C13orf42: variants seen among roughly 807,000 people sequenced by gnomAD.
C13orf42 encodes the protein chromosome 13 open reading frame 42, also known as uncharacterized protein C13orf42.
upstream of C13orf42, chr13:51,113,152 G>A (rs548323460): frequency 3.9e-5 from 6 of 152,202 alleles, no homozygotes; most frequent in South Asian, 4.1e-4. Flanking sequence ...ATCACAAAGG[G>A]AATAAAACTG....
At chr13:51,111,861 G>A (rs1292266649), upstream of C13orf42, among the ~76,000 whole-genome samples, 1 of 132,048 alleles carries the variant, frequency 7.6e-6, no homozygotes, top group Non-Finnish European at 1.6e-5. Flanking sequence ...GCATCTGAGC[G>A]TCCTGGAAGA....
intron 1 of C13orf42, among the ~76,000 whole-genome samples, chr13:51,121,009 G>A (rs933331791): frequency 4.6e-5 from 7 of 152,160 alleles, no homozygotes; most frequent in African/African-American, 1.2e-4. Context: ...GCGAGACTCC[G>A]TCTCAATAAA....
At chr13:51,136,649 C>T (rs1953660420) in intron 1 of C13orf42, among the ~76,000 whole-genome samples, 1 of 152,112 alleles carries the variant, frequency 6.6e-6, no homozygotes, top group East Asian at 1.9e-4. Flanking sequence ...GTTTGGAATC[C>T]ACAAAGGAAG....
At chr13:51,112,207 CTG>C (rs570647652), upstream of C13orf42, among the ~76,000 whole-genome samples, 80 of 152,308 alleles carry the variant, frequency 5.3e-4, no homozygotes, top group South Asian at 3.5e-3. Context: ...AGACTACAGT[CTG>C]AGAGTACAAG....
At chr13:51,155,636 C>T (rs1054089289) in intron 1 of C13orf42, among the ~76,000 whole-genome samples, 1 of 152,220 alleles carries the variant, frequency 6.6e-6, no homozygotes, top group African/African-American at 2.4e-5. Flanking sequence ...CTCTGCTTTA[C>T]CTCTCACACT....
intron 1 of C13orf42, among the ~76,000 whole-genome samples, chr13:51,100,026 A>G (rs1953271028): frequency 6.6e-6 from 1 of 152,230 alleles, no homozygotes; most frequent in East Asian, 1.9e-4. Flanking sequence ...ATCCACTAAG[A>G]GAAGGAATGT....
At chr13:51,172,252 C>T (rs987646879) in intron 1 of C13orf42, 2 of 152,146 alleles carry the variant, frequency 1.3e-5, no homozygotes, top group Non-Finnish European at 2.9e-5. Context: ...GTTCAACTCA[C>T]CTGGCAGCCA....
intron 1 of C13orf42, among the ~76,000 whole-genome samples, chr13:51,152,963 T>C (rs548804128): frequency 6.6e-6 from 1 of 152,260 alleles, no homozygotes; most frequent in Non-Finnish European, 1.5e-5. Flanking sequence ...GCGGGGTTGA[T>C]GTTTTGTTAT....
intron 1 of C13orf42, among the ~76,000 whole-genome samples, chr13:51,141,095 G>GGGGTGT (rs1555268146): frequency 7.8e-6 from 1 of 128,498 alleles, no homozygotes; most frequent in African/African-American, 3.0e-5. Flanking sequence ...ATCGAAGGGA[G>GGGGTGT]GTGTGTGTGT....
At chr13:51,171,425 C>T (rs1490168646) in intron 1 of C13orf42, among the ~76,000 whole-genome samples, 2 of 152,096 alleles carry the variant, frequency 1.3e-5, no homozygotes, top group Admixed American at 6.5e-5. Flanking sequence ...CAGTGCAACT[C>T]GTCCCAAATC....
intron 1 of C13orf42, among the ~76,000 whole-genome samples, chr13:51,158,955 A>C (rs1953843217): frequency 6.6e-6 from 1 of 152,218 alleles, no homozygotes; most frequent in South Asian, 2.1e-4. Flanking sequence ...CTTCTTCTGC[A>C]TAGGGATTGG....
intron 1 of C13orf42, among the ~76,000 whole-genome samples, chr13:51,146,574 C>T (rs1194128987): frequency 2.0e-5 from 3 of 152,142 alleles, no homozygotes; most frequent in Non-Finnish European, 4.4e-5. Flanking sequence ...AGACATCAAT[C>T]AATATATGTA....
chr13:51,136,739 G>T (rs536595861), intron 1 of C13orf42, among the ~76,000 whole-genome samples: 1 of 152,206 alleles, frequency 6.6e-6, no homozygotes, highest in Admixed American at 6.5e-5. Context: ...ACACCAGGAG[G>T]GTAACCCGCC....
chr13:51,172,239 A>T (rs990525640), intron 1 of C13orf42: 1 of 151,968 alleles, frequency 6.6e-6, no homozygotes, highest in Non-Finnish European at 1.5e-5. Context: ...TGAAAATCGG[A>T]CTGTTCAACT....
intron 1 of C13orf42, among the ~76,000 whole-genome samples, chr13:51,130,877 A>G (rs905637837): frequency 4.6e-5 from 7 of 151,430 alleles, no homozygotes; most frequent in Non-Finnish European, 7.4e-5. Flanking sequence ...ATATATATAT[A>G]TATAAACAGT....
At chr13:51,166,848 G>T (rs2138053498) in intron 1 of C13orf42, among the ~76,000 whole-genome samples, 2 of 152,254 alleles carry the variant, frequency 1.3e-5, no homozygotes, top group East Asian at 3.9e-4. Context: ...GGAGGCCGAG[G>T]CGGGCGCATT....
chr13:51,132,749 G>C (rs1953627273), intron 1 of C13orf42, among the ~76,000 whole-genome samples: 1 of 152,134 alleles, frequency 6.6e-6, no homozygotes, highest in Non-Finnish European at 1.5e-5. Context: ...AATAGGGGCT[G>C]GGTAAAATGA....
At chr13:51,156,848 T>C (rs1953828330) in intron 1 of C13orf42, among the ~76,000 whole-genome samples, 1 of 152,226 alleles carries the variant, frequency 6.6e-6, no homozygotes, top group African/African-American at 2.4e-5. Flanking sequence ...CCAGCTCTCA[T>C]TCAGGCCAGT....
chr13:51,114,288 C>A (rs1953464473), upstream of C13orf42, among the ~76,000 whole-genome samples: 1 of 152,186 alleles, frequency 6.6e-6, no homozygotes, highest in South Asian at 2.1e-4. Context: ...AACCTCTGAA[C>A]TCTGGATCTC....
Sources: gnomAD v4.1 joint callset for allele counts (sites outside exome capture counted in the v4.1 genomes callset) on GRCh38, gnomAD v4.1.1 for gene constraint, MANE v1.5 for transcripts, NCBI Gene and HGNC (gene_info 2026-07-23, HGNC 2026-07-21) for gene names.